RALYL: variants seen among roughly 807,000 people sequenced by gnomAD.
RALYL encodes the protein RALY RNA binding protein like, also known as RNA-binding Raly-like protein.
A neutral mutation model predicts 35.1 loss-of-function variants in RALYL; 29 were observed. The observed-to-expected ratio is 0.83, with a 90% CI of 0.61 to 1.13. The LOEUF is 1.13. RALYL is among the 50% of genes most tolerant of loss of function. The pLI, the probability that RALYL is intolerant of heterozygous loss-of-function variation, is 0.00. For missense variants in RALYL, 359 were observed against 360.4 expected, an observed-to-expected ratio of 1.00 and a Z score of 0.03; for synonymous variants, 120 against 127.6, an observed-to-expected ratio of 0.94 and a Z score of 0.40.
chr8:84,582,856 T>C (rs1811141926), intron 2 of RALYL, among the ~76,000 whole-genome samples: 1 of 150,188 alleles, frequency 6.7e-6, no homozygotes, highest in African/African-American at 2.4e-5. Flanking sequence ...TAAAATATGC[T>C]ATAGATTTAT....
At chr8:84,616,698 T>G (rs1021933411) in intron 2 of RALYL, among the ~76,000 whole-genome samples, 13 of 151,538 alleles carry the variant, frequency 8.6e-5, no homozygotes, top group African/African-American at 3.2e-4. Flanking sequence ...ATGCCTAGGT[T>G]TTCTTCTAGG....
chr8:84,760,278 C>A (rs1381006170), intron 2 of RALYL, among the ~76,000 whole-genome samples: 1 of 151,872 alleles, frequency 6.6e-6, no homozygotes, highest in Non-Finnish European at 1.5e-5. Context: ...TGGAACAGAG[C>A]ATGGTGGTAA....
At chr8:84,817,003 A>G (rs527863802) in intron 4 of RALYL, among the ~76,000 whole-genome samples, 6 of 152,300 alleles carry the variant, frequency 3.9e-5, no homozygotes, top group Non-Finnish European at 8.8e-5. Context: ...ATTTATCTCT[A>G]TTGAAGCACT....
At chr8:84,802,036 A>G (rs1334125926) in intron 3 of RALYL, among the ~76,000 whole-genome samples, 2 of 152,222 alleles carry the variant, frequency 1.3e-5, no homozygotes, top group Admixed American at 6.5e-5. Flanking sequence ...TATCTCACAC[A>G]CTGGCATACT....
At chr8:84,462,601 A>ATTTTT (rs10667055) in intron 1 of RALYL, among the ~76,000 whole-genome samples, 3 of 136,832 alleles carry the variant, frequency 2.2e-5, no homozygotes, top group African/African-American at 8.0e-5. Flanking sequence ...ATCTAGATTC[A>ATTTTT]TTTTTTTTTT....
chr8:84,674,945 A>T (rs1588927820), intron 2 of RALYL, among the ~76,000 whole-genome samples: 1 of 152,084 alleles, frequency 6.6e-6, no homozygotes, highest in Admixed American at 6.5e-5. Flanking sequence ...TTAAAATTTG[A>T]TTATAAGAAG....
intron 2 of RALYL, among the ~76,000 whole-genome samples, chr8:84,632,226 G>C (rs1002138443): frequency 1.3e-5 from 2 of 151,880 alleles, no homozygotes; most frequent in African/African-American, 4.8e-5. Context: ...GACCTCCCAG[G>C]CTCCAGAACT....
chr8:84,917,045 G>T (rs1848587724), intron 8 of RALYL, among the ~76,000 whole-genome samples: 2 of 151,940 alleles, frequency 1.3e-5, no homozygotes, highest in South Asian at 4.2e-4. Context: ...AAACATCTTA[G>T]CATACCATAT....
chr8:84,338,757 A>C (rs1293593308), intron 1 of RALYL, among the ~76,000 whole-genome samples: 2 of 152,084 alleles, frequency 1.3e-5, no homozygotes, highest in Non-Finnish European at 2.9e-5. Context: ...TGACATAGTC[A>C]TCCATATTTT....
intron 1 of RALYL, among the ~76,000 whole-genome samples, chr8:84,293,526 G>A (rs1018898940): frequency 1.3e-5 from 2 of 151,960 alleles, no homozygotes; most frequent in African/African-American, 4.8e-5. Context: ...TCTCTCCTGT[G>A]GCCTGTTTTC....
At chr8:84,293,070 A>T (rs1442439665) in intron 1 of RALYL, among the ~76,000 whole-genome samples, 1 of 152,180 alleles carries the variant, frequency 6.6e-6, no homozygotes, top group African/African-American at 2.4e-5. Context: ...AATATGTAAC[A>T]TTCAAATTAC....
chr8:84,378,850 A>G (rs1456001459), intron 1 of RALYL, among the ~76,000 whole-genome samples: 1 of 151,882 alleles, frequency 6.6e-6, no homozygotes, highest in Non-Finnish European at 1.5e-5. Flanking sequence ...ACTGCTTCAC[A>G]AGAATTCATA....
At chr8:84,559,225 T>C (rs16912970) in intron 2 of RALYL, among the ~76,000 whole-genome samples, 2,613 of 152,182 alleles carry the variant, frequency 0.017, 88 homozygotes, top group African/African-American at 0.059. Flanking sequence ...GTGTTTTTAA[T>C]AGTGGGTTTA....
chr8:84,733,871 G>T (rs940610120), intron 2 of RALYL, among the ~76,000 whole-genome samples: 3 of 152,148 alleles, frequency 2.0e-5, no homozygotes, highest in Admixed American at 6.6e-5. Context: ...CTACTGATTT[G>T]CATGTGCAGA....
At chr8:84,459,637 A>G (rs780613356) in intron 1 of RALYL, among the ~76,000 whole-genome samples, 21 of 151,772 alleles carry the variant, frequency 1.4e-4, no homozygotes, top group Non-Finnish European at 2.8e-4. Context: ...ATGGGAGCCA[A>G]GGGAGAGGAC....
chr8:84,653,499 G>A (rs1278019363), intron 2 of RALYL, among the ~76,000 whole-genome samples: 1 of 151,692 alleles, frequency 6.6e-6, no homozygotes, highest in Non-Finnish European at 1.5e-5. Context: ...TCTCTCATAG[G>A]GCCTTTGCAA....
At chr8:84,290,455 G>A (rs1338129054) in intron 1 of RALYL, among the ~76,000 whole-genome samples, 2 of 151,488 alleles carry the variant, frequency 1.3e-5, no homozygotes, top group East Asian at 1.9e-4. Context: ...GTAGGTAAAG[G>A]AAAATTACAG....
intron 1 of RALYL, among the ~76,000 whole-genome samples, chr8:84,521,414 A>G (rs921270929): frequency 6.6e-6 from 1 of 152,206 alleles, no homozygotes; most frequent in African/African-American, 2.4e-5. Flanking sequence ...ATCAACATAG[A>G]AAGGAGTTCC....
chr8:84,416,372 G>A (rs1335878344), intron 1 of RALYL, among the ~76,000 whole-genome samples: 1 of 152,166 alleles, frequency 6.6e-6, no homozygotes, highest in Non-Finnish European at 1.5e-5. Context: ...GTGCAGGAGT[G>A]GAGGTGGATA....
Sources: allele counts gnomAD v4.1 joint callset (sites outside exome capture counted in the v4.1 genomes callset), GRCh38; gene constraint gnomAD v4.1.1; transcripts MANE v1.5; gene names NCBI Gene and HGNC (gene_info 2026-07-23, HGNC 2026-07-21).